SH3RF3: variants seen among roughly 807,000 people sequenced by gnomAD.
SH3RF3 encodes SH3 domain containing ring finger 3.
A neutral mutation model predicts 66.3 loss-of-function variants in SH3RF3; 29 were observed. The observed-to-expected ratio is 0.44, with a 90% CI of 0.33 to 0.60. The LOEUF is 0.60. Ranked by LOEUF, SH3RF3 falls within the 20% of genes least tolerant of loss-of-function variation. The probability of loss-of-function intolerance (pLI) is 0.04; values close to 1 mark genes in which losing one functional copy is unlikely to be tolerated. For missense variants in SH3RF3, 1,194 were observed against 1,190.9 expected (o/e 1.00, Z -0.04); for synonymous variants, 583 against 532.0 (o/e 1.10, Z -1.32).
At chr2:109,469,507 G>A (rs890943684) in intron 8 of SH3RF3, among the ~76,000 whole-genome samples, 3 of 152,140 alleles carry the variant, frequency 2.0e-5, no homozygotes, top group Non-Finnish European at 2.9e-5. Flanking sequence ...GGTCTTCTGT[G>A]GCCTAATTTC....
chr2:109,285,888 G>A (rs1027615826), intron 1 of SH3RF3, among the ~76,000 whole-genome samples: 5 of 152,264 alleles, frequency 3.3e-5, no homozygotes, highest in South Asian at 2.1e-4. Flanking sequence ...TGCCCCCAGC[G>A]TGCCTCCTTC....
chr2:109,196,614 G>A (rs1261199504), intron 1 of SH3RF3, among the ~76,000 whole-genome samples: 1 of 152,168 alleles, frequency 6.6e-6, no homozygotes, highest in Non-Finnish European at 1.5e-5. Context: ...TTGAAACTCC[G>A]AGTGCTGCTG....
At chr2:109,409,505 A>G (rs1298001535) in intron 4 of SH3RF3, among the ~76,000 whole-genome samples, 2 of 152,144 alleles carry the variant, frequency 1.3e-5, no homozygotes, top group African/African-American at 4.8e-5. Context: ...ATCCAGCAGC[A>G]AATTTGGAAC....
At chr2:109,332,805 G>A (rs1682318241) in intron 1 of SH3RF3, among the ~76,000 whole-genome samples, 2 of 152,200 alleles carry the variant, frequency 1.3e-5, no homozygotes, top group Non-Finnish European at 2.9e-5. Flanking sequence ...ATAGGACTCG[G>A]AATCACCCTT....
chr2:109,376,420 A>G (rs895836856), intron 3 of SH3RF3, among the ~76,000 whole-genome samples: 33 of 152,246 alleles, frequency 2.2e-4, no homozygotes, highest in Admixed American at 2.0e-3. Context: ...GGCTGCTCAC[A>G]CAGAGCCTGG....
chr2:109,472,406 G>A (rs1678543712), intron 8 of SH3RF3, among the ~76,000 whole-genome samples: 1 of 152,118 alleles, frequency 6.6e-6, no homozygotes, highest in African/African-American at 2.4e-5. Flanking sequence ...CACAGAAAGA[G>A]GAAATCCAAA....
intron 4 of SH3RF3, among the ~76,000 whole-genome samples, chr2:109,415,544 G>A (rs985330832): frequency 7.2e-5 from 11 of 152,048 alleles, no homozygotes; most frequent in Admixed American, 6.5e-5. Flanking sequence ...GCCCTCTGCC[G>A]GTGCAGGCTG....
Position 109,199,428 on chromosome 2 carries a change from T to TTAACC in SH3RF3, c.573+69315_573+69316insTAACC, listed in dbSNP as rs1445156611. Among the ~76,000 whole-genome samples the TTAACC allele has an allele frequency of 2.5e-3, 3 of 1,192 alleles. 1 individual carries two copies. The highest frequency in any genetic ancestry group is 0.013 in the Admixed American group (2 of 152). The allele number at this position is 1,192 out of a possible 152,430, so 0.8% of individuals were successfully genotyped here. A position where few individuals can be genotyped will look rare whatever the true frequency, so the allele number is the denominator to read the frequency against. On this transcript the variant is annotated intron_variant, in intron 1 of 9. Coordinates refer to ENST00000309415, the MANE Select transcript of SH3RF3 (RefSeq NM_001099289.3). Reference sequence around the variant, plus strand: ...TGGAATGGAATGGAATGGAATGGAATGGAATGGAATGGAATGGAATGGAAT... The same window carrying TTAACC: ...TGGAATGGAATGGAATGGAATGGAATTAACCGGAATGGAATGGAATGGAATGGAAT...
intron 1 of SH3RF3, among the ~76,000 whole-genome samples, chr2:109,315,051 G>A (rs953658169): frequency 6.6e-5 from 10 of 152,190 alleles, no homozygotes; most frequent in African/African-American, 2.2e-4. Flanking sequence ...CCACATTGAA[G>A]AGCCCATACA....
intron 3 of SH3RF3, among the ~76,000 whole-genome samples, chr2:109,394,928 C>T (rs886906577): frequency 3.3e-5 from 5 of 152,256 alleles, no homozygotes; most frequent in Non-Finnish European, 5.9e-5. Context: ...GCCGCCGTCC[C>T]GCACAGGCAC....
chr2:109,427,424 G>C (rs1007607296), intron 5 of SH3RF3, among the ~76,000 whole-genome samples: 4 of 152,114 alleles, frequency 2.6e-5, no homozygotes, highest in Non-Finnish European at 5.9e-5. Flanking sequence ...CTCTATTGGG[G>C]CAGTCTGGAA....
intron 1 of SH3RF3, among the ~76,000 whole-genome samples, chr2:109,143,985 C>T (rs771257850): frequency 1.3e-5 from 2 of 152,116 alleles, no homozygotes; most frequent in Admixed American, 6.5e-5. Context: ...CATTCATATC[C>T]GGAATCTAAA....
At chr2:109,243,325 C>T (rs1229862634) in intron 1 of SH3RF3, among the ~76,000 whole-genome samples, 2 of 152,232 alleles carry the variant, frequency 1.3e-5, no homozygotes, top group African/African-American at 4.8e-5. Flanking sequence ...CTTTTGCAGC[C>T]CTGAGATTCC....
rs1677166726 is a variant in SH3RF3, at chr2:109,148,999, C to G, written c.573+18886C>G. Among the ~76,000 whole-genome samples, 4 of 152,208 alleles carry G rather than the reference C, an allele frequency of 2.6e-5. No homozygotes were observed. The East Asian group carries it at 7.7e-4, about 29-fold the overall frequency. ...AATCTTTGTTTCCCTGTTTGCACTT[C>G]TGGCTTTCAACTGCAGATCCCCCTT... On this transcript the variant is annotated intron_variant, in intron 1 of 9. Coordinates refer to ENST00000309415, the MANE Select transcript of SH3RF3 (RefSeq NM_001099289.3).
Position 109,347,744 on chromosome 2 carries a change from T to G in SH3RF3, c.644T>G (p.Phe215Cys). 1 of 1,613,828 alleles carries G rather than the reference T, an allele frequency of 6.2e-7. No homozygotes were observed. Among genetic ancestry groups the G allele is most frequent in the Non-Finnish European group, 8.5e-7 (1 of 1,179,854 alleles). ...GGGAAGGAACCTGGTGACCTCAAGT[T>G]CAACAAGGGGGACATCATCGTCCTG... ...YEGKEPGDLK[F>C]NKGDIIVLRR... is the part of the protein sequence containing the mutation. The change falls in exon 2 of 10, where the codon TTC (phenylalanine) becomes TGC (cysteine). Residue 215 changes from phenylalanine to cysteine, a missense_variant. Phe to Cys is a radical substitution (Grantham distance 205). Coordinates refer to ENST00000309415, the MANE Select transcript of SH3RF3 (RefSeq NM_001099289.3).
intron 1 of SH3RF3, among the ~76,000 whole-genome samples, chr2:109,137,059 C>G (rs1676832139): frequency 6.6e-6 from 1 of 152,194 alleles, no homozygotes; most frequent in East Asian, 1.9e-4. Context: ...TTGCATTGGT[C>G]TCTATTTATA....
chr2:109,389,327 C>G (rs963890199), intron 3 of SH3RF3, among the ~76,000 whole-genome samples: 1 of 152,216 alleles, frequency 6.6e-6, no homozygotes, highest in Non-Finnish European at 1.5e-5. Context: ...TTTATTTCTA[C>G]TGGAGGCAAT....
intron 8 of SH3RF3, among the ~76,000 whole-genome samples, chr2:109,459,815 A>G (rs1206976359): frequency 6.6e-6 from 1 of 152,210 alleles, no homozygotes; most frequent in African/African-American, 2.4e-5. Context: ...GAGAACAAGA[A>G]GCAGACATTT....
In SH3RF3 at chr2:109,405,504, C is replaced by T. The variant is rs12618300; in HGVS notation, c.1299+6561C>T. On this transcript the variant is annotated intron_variant, in intron 4 of 9. Coordinates refer to ENST00000309415, the MANE Select transcript of SH3RF3 (RefSeq NM_001099289.3). ...GTGCAGATCTTCTCCCTGCGCACCA[C>T]GCTGCTCTGGCCCTGGTCCATTTCT... Among the ~76,000 whole-genome samples the T allele has an allele frequency of 5.9e-5, 9 of 152,242 alleles. No individual in the cohort carries two copies. In the East Asian group the frequency reaches 9.7e-4, roughly 16 times the overall value.
Sources: gnomAD v4.1 joint callset for allele counts (sites outside exome capture counted in the v4.1 genomes callset) on GRCh38, gnomAD v4.1.1 for gene constraint, MANE v1.5 for transcripts, NCBI Gene and HGNC (gene_info 2026-07-23, HGNC 2026-07-21) for gene names.